The following MCU variants were observed in gnomAD, a reference collection of about 807,000 sequenced individuals.
The protein encoded by MCU is calcium uniporter protein, mitochondrial.
In MCU, 12 loss-of-function variants were observed where a neutral mutation model predicts 45.2. The ratio of observed to expected loss-of-function variants is 0.27; its 90% CI spans 0.17 to 0.43. The LOEUF is 0.43. Among genes scored for constraint, MCU ranks in the 20% least tolerant of loss-of-function variants. The probability of loss-of-function intolerance (pLI) is 1.00; values close to 1 mark genes in which losing one functional copy is unlikely to be tolerated. For synonymous variants in MCU, 160 were observed against 165.1 expected, an observed-to-expected ratio of 0.97 and a Z score of 0.24; for missense variants, 324 against 436.7, an observed-to-expected ratio of 0.74 and a Z score of 2.30.
chr10:72,786,237 T>C (rs753987530), intron 1 of MCU, among the ~76,000 whole-genome samples: 1 of 152,194 alleles, frequency 6.6e-6, no homozygotes, highest in Non-Finnish European at 1.5e-5. Flanking sequence ...TCTTGTGTTA[T>C]ACTTGAACAC....
intron 1 of MCU, among the ~76,000 whole-genome samples, chr10:72,734,952 AC>A (rs1843232060): frequency 6.6e-6 from 1 of 151,640 alleles, no homozygotes. Context: ...GGTGGTGCAT[AC>A]CCGTAGTCCC....
intron 1 of MCU, chr10:72,693,108 C>T (rs1328902994): frequency 5.2e-6 from 8 of 1,529,950 alleles, no homozygotes; most frequent in Non-Finnish European, 7.0e-6. Flanking sequence ...GTTGTATTAA[C>T]CAGTTGTTGC....
At chr10:72,827,123 T>TA (rs1844810566) in intron 1 of MCU, among the ~76,000 whole-genome samples, 1 of 152,184 alleles carries the variant, frequency 6.6e-6, no homozygotes, top group Admixed American at 6.5e-5. Flanking sequence ...GGGGAATAGT[T>TA]AGAGTTTCTG....
At chr10:72,764,171 A>G (rs1843694590) in intron 1 of MCU, among the ~76,000 whole-genome samples, 1 of 152,214 alleles carries the variant, frequency 6.6e-6, no homozygotes, top group Admixed American at 6.5e-5. Context: ...CAGTTCCACT[A>G]AATGATTTAA....
intron 1 of MCU, among the ~76,000 whole-genome samples, chr10:72,777,625 G>A (rs1376564962): frequency 6.6e-6 from 1 of 152,146 alleles, no homozygotes; most frequent in Non-Finnish European, 1.5e-5. Context: ...ACCCTCCAGG[G>A]CACTGGTCTA....
intron 1 of MCU, among the ~76,000 whole-genome samples, chr10:72,754,154 C>T (rs901703921): frequency 2.6e-5 from 4 of 152,152 alleles, no homozygotes; most frequent in Non-Finnish European, 5.9e-5. Flanking sequence ...GCACACCACC[C>T]GAAGCAGTAA....
intron 1 of MCU, among the ~76,000 whole-genome samples, chr10:72,759,270 G>C (rs1337018270): frequency 1.3e-5 from 2 of 152,142 alleles, no homozygotes; most frequent in Non-Finnish European, 2.9e-5. Context: ...GTGATTGATT[G>C]AGCAAGCAGG....
At chr10:72,759,285 A>G (rs1843621365) in intron 1 of MCU, among the ~76,000 whole-genome samples, 1 of 152,150 alleles carries the variant, frequency 6.6e-6, no homozygotes, top group South Asian at 2.1e-4. Flanking sequence ...AGCAGGGGGT[A>G]CATGACTGGG....
intron 1 of MCU, among the ~76,000 whole-genome samples, chr10:72,801,402 G>A (rs530799911): frequency 6.9e-6 from 1 of 145,100 alleles, no homozygotes; most frequent in African/African-American, 2.6e-5. Flanking sequence ...TTAGTAATTG[G>A]TTCTGTTGAT....
At chr10:72,692,966 A>G in intron 1 of MCU, 2 of 1,535,168 alleles carry the variant, frequency 1.3e-6, no homozygotes, top group Non-Finnish European at 1.7e-6. Context: ...TTGGGTCCTT[A>G]AAGGTGCTTT....
At chr10:72,857,868 G>C (rs2132866687) in intron 2 of MCU, among the ~76,000 whole-genome samples, 1 of 152,202 alleles carries the variant, frequency 6.6e-6, no homozygotes, top group South Asian at 2.1e-4. Context: ...CAATTTAATA[G>C]TTCATAATAA....
At chr10:72,804,445 A>G (rs903939263) in intron 1 of MCU, among the ~76,000 whole-genome samples, 5 of 152,232 alleles carry the variant, frequency 3.3e-5, no homozygotes, top group African/African-American at 1.2e-4. Flanking sequence ...TCCAGAAGAA[A>G]AACAAAACAT....
intron 1 of MCU, among the ~76,000 whole-genome samples, chr10:72,832,659 C>T (rs891652351): frequency 2.6e-5 from 4 of 152,150 alleles, no homozygotes; most frequent in African/African-American, 9.7e-5. Context: ...CAAAACAAAA[C>T]ATAGCTAATA....
At chr10:72,827,706 T>C (rs144319292) in intron 1 of MCU, among the ~76,000 whole-genome samples, 252 of 152,348 alleles carry the variant, frequency 1.7e-3, no homozygotes, top group Non-Finnish European at 3.0e-3. Context: ...TCAAGTGTTA[T>C]CATGTTTATA....
intron 1 of MCU, 94 bp downstream of exon 1, chr10:72,692,395 T>A: frequency 1.1e-6 from 1 of 944,990 alleles, no homozygotes; most frequent in Non-Finnish European, 1.3e-6. Context: ...GCAGGCGAGT[T>A]ACCTCAACTC....
chr10:72,693,939 T>C (rs1201997408), intron 1 of MCU, among the ~76,000 whole-genome samples: 1 of 152,238 alleles, frequency 6.6e-6, no homozygotes, highest in African/African-American at 2.4e-5. Flanking sequence ...GGGTGTGATA[T>C]TCATTTAGCA....
chr10:72,866,414 TTTTG>T (rs887120568), intron 4 of MCU, among the ~76,000 whole-genome samples: 2 of 152,106 alleles, frequency 1.3e-5, no homozygotes, highest in Admixed American at 6.6e-5. Flanking sequence ...TTTTGTGTTT[TTTTG>T]TTTGTTTTTT....
At chr10:72,831,492 G>T (rs948834753) in intron 1 of MCU, among the ~76,000 whole-genome samples, 1 of 152,066 alleles carries the variant, frequency 6.6e-6, no homozygotes, top group African/African-American at 2.4e-5. Context: ...AAAATATAGG[G>T]TTGGTTTTTG....
At chr10:72,879,279 A>G (rs1265879294) in intron 6 of MCU, among the ~76,000 whole-genome samples, 1 of 152,196 alleles carries the variant, frequency 6.6e-6, no homozygotes, top group Non-Finnish European at 1.5e-5. Context: ...ATAAAATAAA[A>G]AAGGAAATTT....
Sources: gnomAD v4.1 joint callset for allele counts (sites outside exome capture counted in the v4.1 genomes callset) on GRCh38, gnomAD v4.1.1 for gene constraint, MANE v1.5 for transcripts, NCBI Gene and HGNC (gene_info 2026-07-23, HGNC 2026-07-21) for gene names.